ZNF536: variants seen among roughly 807,000 people sequenced by gnomAD.
ZNF536 encodes zinc finger protein 536.
In ZNF536, 13 loss-of-function variants were observed where a neutral mutation model predicts 84.5. The observed-to-expected ratio is 0.15, with a 90% CI of 0.10 to 0.24. ZNF536 has a LOEUF of 0.24. Among genes scored for constraint, ZNF536 ranks in the 10% least tolerant of loss-of-function variants. The pLI is 1.00. For missense variants in ZNF536, 1,536 were observed against 1,747.5 expected, an observed-to-expected ratio of 0.88 and a Z score of 2.16; for synonymous variants, 811 against 742.5, an observed-to-expected ratio of 1.09 and a Z score of -1.50.
chr19:30,326,925 T>C (rs1305340534), intron 2 of ZNF536, among the ~76,000 whole-genome samples: 5 of 146,690 alleles, frequency 3.4e-5, no homozygotes, highest in Admixed American at 2.1e-4. Context: ...CTGGGCAACA[T>C]AGGGAGACAC....
intron 1 of ZNF536, among the ~76,000 whole-genome samples, chr19:30,670,737 C>T (rs1020377661): frequency 1.3e-5 from 2 of 152,218 alleles, no homozygotes; most frequent in South Asian, 4.1e-4. Flanking sequence ...CCCTTGGTGC[C>T]TCTGTTGCCC....
intron 1 of ZNF536, among the ~76,000 whole-genome samples, chr19:30,650,252 A>G (rs2049647867): frequency 6.6e-6 from 1 of 152,240 alleles, no homozygotes; most frequent in Admixed American, 6.5e-5. Flanking sequence ...CAAAATGATC[A>G]ATAGATGAGT....
intron 1 of ZNF536, among the ~76,000 whole-genome samples, chr19:30,388,678 T>C (rs2049450307): frequency 6.6e-6 from 1 of 152,232 alleles, no homozygotes; most frequent in African/African-American, 2.4e-5. Context: ...GCCAAGGCTG[T>C]TGGGAGAAGC....
At chr19:30,645,591 C>T (rs1438855412) in intron 1 of ZNF536, among the ~76,000 whole-genome samples, 1 of 152,170 alleles carries the variant, frequency 6.6e-6, no homozygotes, top group African/African-American at 2.4e-5. Flanking sequence ...CTGTTGAAGT[C>T]ACATTTTAAT....
At chr19:30,399,064 G>C (rs10421439) in intron 1 of ZNF536, among the ~76,000 whole-genome samples, 4,505 of 152,168 alleles carry the variant, frequency 0.03, 219 homozygotes, top group African/African-American at 0.1. Context: ...TTCTCCACAT[G>C]CTCTCTAACG....
chr19:30,470,842 C>T (rs965506540), intron 2 of ZNF536, among the ~76,000 whole-genome samples: 25 of 152,122 alleles, frequency 1.6e-4, no homozygotes, highest in East Asian at 3.9e-4. Flanking sequence ...CATGCCACCA[C>T]GTCCAGCTAC....
At chr19:30,354,231 G>A (rs574670992) in intron 3 of ZNF536, among the ~76,000 whole-genome samples, 2 of 152,072 alleles carry the variant, frequency 1.3e-5, no homozygotes, top group Non-Finnish European at 2.9e-5. Context: ...GAGAGCGGGA[G>A]GAGGAGAAGG....
At chr19:30,446,271 A>AAAAAAAAAG (rs1555767559) in intron 2 of ZNF536, among the ~76,000 whole-genome samples, 94 of 147,206 alleles carry the variant, frequency 6.4e-4, no homozygotes, top group Non-Finnish European at 1.1e-3. Context: ...AAAAAAAAAA[A>AAAAAAAAAG]AAAGAAAGAA....
chr19:30,680,850 C>T (rs533597425), intron 1 of ZNF536, among the ~76,000 whole-genome samples: 3 of 152,284 alleles, frequency 2.0e-5, no homozygotes, highest in Admixed American at 1.3e-4. Flanking sequence ...AATGGCTGAA[C>T]TAGTTTACAG....
At chr19:30,308,738 A>G (rs1336958523) in intron 2 of ZNF536, among the ~76,000 whole-genome samples, 1 of 152,134 alleles carries the variant, frequency 6.6e-6, no homozygotes, top group Non-Finnish European at 1.5e-5. Context: ...AGCCACTGGA[A>G]GTCACTCTGT....
intron 2 of ZNF536, among the ~76,000 whole-genome samples, chr19:30,347,311 C>T (rs1258162621): frequency 6.6e-6 from 1 of 152,194 alleles, no homozygotes; most frequent in Non-Finnish European, 1.5e-5. Flanking sequence ...AAAACATACT[C>T]TGAAAGGTGA....
chr19:30,594,523 C>G (rs2047382071), intron 1 of ZNF536, among the ~76,000 whole-genome samples: 1 of 152,206 alleles, frequency 6.6e-6, no homozygotes, highest in Non-Finnish European at 1.5e-5. Context: ...TTTTGCATAA[C>G]TGGTAACAAA....
intron 1 of ZNF536, among the ~76,000 whole-genome samples, chr19:30,578,054 T>C (rs1458288212): frequency 1.3e-5 from 2 of 152,200 alleles, no homozygotes; most frequent in Non-Finnish European, 2.9e-5. Context: ...GCGGCTTTTG[T>C]GCTGATAAAT....
intron 1 of ZNF536, among the ~76,000 whole-genome samples, chr19:30,568,647 G>A (rs1384693095): frequency 6.6e-6 from 1 of 152,220 alleles, no homozygotes; most frequent in African/African-American, 2.4e-5. Flanking sequence ...ATACAGGGCA[G>A]GTCCAATCTG....
chr19:30,665,880 G>A (rs952388587), intron 1 of ZNF536: 2 of 152,448 alleles, frequency 1.3e-5, no homozygotes, highest in Non-Finnish European at 2.9e-5. Context: ...GGAAAGGAGG[G>A]GTCACTGTCT....
At chr19:30,265,341 T>C (rs181986789) in intron 1 of ZNF536, among the ~76,000 whole-genome samples, 39 of 152,296 alleles carry the variant, frequency 2.6e-4, no homozygotes, top group African/African-American at 9.1e-4. Flanking sequence ...AGCCGCCTGA[T>C]TTCTGCATCT....
At chr19:30,410,619 C>G (rs760173238) in intron 1 of ZNF536, among the ~76,000 whole-genome samples, 1 of 152,012 alleles carries the variant, frequency 6.6e-6, no homozygotes, top group Non-Finnish European at 1.5e-5. Context: ...GGACTACAGG[C>G]GCCCGCCACC....
chr19:30,448,593 T>A (rs1362843170), intron 2 of ZNF536, among the ~76,000 whole-genome samples: 1 of 152,242 alleles, frequency 6.6e-6, no homozygotes, highest in Non-Finnish European at 1.5e-5. Context: ...CTTGATTCTT[T>A]TTTTTGTTGA....
chr19:30,293,642 T>C (rs569260129), intron 2 of ZNF536, among the ~76,000 whole-genome samples: 4 of 152,230 alleles, frequency 2.6e-5, no homozygotes, highest in Non-Finnish European at 4.4e-5. Flanking sequence ...AGAGCTGGAC[T>C]CTTACCCTTA....
Sources: allele counts gnomAD v4.1 joint callset (sites outside exome capture counted in the v4.1 genomes callset), GRCh38; gene constraint gnomAD v4.1.1; transcripts MANE v1.5; gene names NCBI Gene and HGNC (gene_info 2026-07-23, HGNC 2026-07-21).